Variants in FAM186B observed in about 807,000 individuals in gnomAD.
The protein encoded by FAM186B is family with sequence similarity 186 member B.
Under a neutral mutation model 83.4 loss-of-function variants are expected in FAM186B, and 68 were observed. That is an observed-to-expected ratio of 0.81 (90% CI 0.67 to 1.00). The LOEUF is 1.00. Ranked by LOEUF, FAM186B falls within the 50% of genes least tolerant of loss-of-function variation. The pLI, the probability that FAM186B is intolerant of heterozygous loss-of-function variation, is 0.00. For synonymous variants in FAM186B, 389 were observed against 422.0 expected (o/e 0.92, Z 0.96); for missense variants, 983 against 1,099.2 (o/e 0.89, Z 1.49).
At chr12:49,598,528 T>C (rs562271536) in intron 5 of FAM186B, among the ~76,000 whole-genome samples, 1 of 152,168 alleles carries the variant, frequency 6.6e-6, no homozygotes, top group African/African-American at 2.4e-5. Flanking sequence ...CTCTCTGGGT[T>C]GCTCTCCCCA....
chr12:49,591,395 G>A (rs190022827), intron 5 of FAM186B, among the ~76,000 whole-genome samples: 1 of 152,318 alleles, frequency 6.6e-6, no homozygotes, highest in Admixed American at 6.5e-5. Flanking sequence ...GGAAGAGTTT[G>A]TGTTTACATC....
chr12:49,620,916 A>G, the FAM186B span, among the ~76,000 whole-genome samples: 111 of 152,338 alleles, frequency 7.3e-4, no homozygotes, highest in African/African-American at 2.5e-3. Flanking sequence ...CATTATACAC[A>G]TGCTTTTCTA....
intron 2 of FAM186B, 53 bp downstream of exon 2, chr12:49,604,260 G>C: frequency 1.4e-6 from 2 of 1,457,260 alleles, no homozygotes; most frequent in Middle Eastern, 1.9e-4. Flanking sequence ...CCCTGTGCTC[G>C]CCACCCACAC....
At chr12:49,611,283 G>T in the FAM186B span, among the ~76,000 whole-genome samples, 5 of 152,142 alleles carry the variant, frequency 3.3e-5, no homozygotes, top group Admixed American at 2.0e-4. Context: ...TGAGGCAGGA[G>T]AATTGCTTGA....
upstream of FAM186B, among the ~76,000 whole-genome samples, chr12:49,608,586 T>C (rs1263694334): frequency 6.6e-6 from 1 of 151,242 alleles, no homozygotes; most frequent in African/African-American, 2.4e-5. Context: ...TGCAAGGTAG[T>C]GCATAAAGAT....
At chr12:49,584,583 C>T (rs768182103), downstream of FAM186B, 30 of 702,250 alleles carry the variant, frequency 4.3e-5, no homozygotes, top group Admixed American at 1.4e-4. Context: ...TTTGTAGGTT[C>T]CTGGCATTCC....
intron 5 of FAM186B, among the ~76,000 whole-genome samples, chr12:49,590,959 T>C (rs959950010): frequency 2.6e-5 from 4 of 152,114 alleles, no homozygotes; most frequent in African/African-American, 4.8e-5. Context: ...GGAGATAAAC[T>C]AGTGATAATG....
chr12:49,607,593 A>G (rs1033837035), upstream of FAM186B, among the ~76,000 whole-genome samples: 2 of 152,242 alleles, frequency 1.3e-5, no homozygotes, highest in African/African-American at 4.8e-5. Flanking sequence ...GAGTTCTGCC[A>G]AACATTTAAG....
In FAM186B at chr12:49,605,462, G is replaced by A. The variant is rs775585473; in HGVS notation, c.16C>T (p.Pro6Ser). Reference sequence around the variant, plus strand: ...GATGTGGGAGTCACCAACTGTGGGGGGTCATCCTTCTCCATTTTGGATCAC... The same window carrying A: ...GATGTGGGAGTCACCAACTGTGGGGAGTCATCCTTCTCCATTTTGGATCAC... MEKDD[P>S]PQLVTPTSVK... The change falls in exon 1 of 7, where the codon CCC becomes TCC. Residue 6 changes from proline to serine, a missense_variant. Coordinates refer to ENST00000257894, the MANE Select transcript of FAM186B (RefSeq NM_032130.3). The A allele has an allele frequency of 2.5e-6, 4 of 1,613,540 alleles. No individual in the cohort carries two copies. Among genetic ancestry groups the A allele is most frequent in the Middle Eastern group, 3.3e-4 (2 of 6,036 alleles).
chr12:49,586,593 C>T (rs1939447961), downstream of FAM186B, among the ~76,000 whole-genome samples: 1 of 152,196 alleles, frequency 6.6e-6, no homozygotes, highest in African/African-American at 2.4e-5. Context: ...AACCAAATCT[C>T]TGCCAGGCCA....
chr12:49,604,084 G>T (rs1592556749), intron 2 of FAM186B: 1 of 541,330 alleles, frequency 1.8e-6, no homozygotes, highest in East Asian at 2.9e-5. Context: ...ACAAAAATGA[G>T]ATGTCATAAT....
In FAM186B at chr12:49,599,467, ACC is replaced by A; in HGVS notation, c.2171_2171+1del. On this transcript the variant is annotated splice_donor_variant and coding_sequence_variant, in exon 4 of 7. Transcript: ENST00000257894. LOFTEE classifies it high-confidence loss of function. ...GCCAGGTGGGTTCCAGGGAGGACCT[ACC>A]GGAGGCTCTGGAGGCGTCTATAGAA... 1 of 1,525,170 alleles carries A rather than the reference ACC, an allele frequency of 6.6e-7. No individual in the cohort carries two copies. 94.5% of individuals were successfully genotyped at this position (1,525,170 alleles called of 1,614,324 possible). A position where few individuals can be genotyped will look rare whatever the true frequency, so the allele number is the denominator to read the frequency against.
rs1314760938 is a variant in FAM186B, at chr12:49,600,766, C to A, written c.874G>T (p.Ala292Ser). 1 of 1,613,786 alleles carries A rather than the reference C, an allele frequency of 6.2e-7. No homozygotes were observed. The highest frequency in any genetic ancestry group is 8.5e-7 in the Non-Finnish European group (1 of 1,179,742). ...AAGATCTCTACCTGCTTCAGCAGAG[C>A]ATCCCTCCTGCTCTCAAGGACCTCC... ...FMEVLESRRD[A>S]LLKQVEILGG... is the part of the protein sequence containing the mutation. The change falls in exon 4 of 7, where the codon GCT becomes TCT. Residue 292 changes from alanine to serine, a missense_variant. Transcript: ENST00000257894. The surrounding 1 kb of genome is among the most constrained non-coding windows in gnomAD (Gnocchi z 4.3).
chr12:49,588,392 C>A, intron 6 of FAM186B, 62 bp downstream of exon 6: 2 of 1,530,464 alleles, frequency 1.3e-6, no homozygotes, highest in South Asian at 2.5e-5. Context: ...CCAGGCTGGT[C>A]ACCCCTGCTC....
In FAM186B at chr12:49,600,806, G is replaced by T. The variant is rs566837306; in HGVS notation, c.834C>A (p.His278Gln). ...ATKELSSQRLHFQQFMEVLES... is the reference protein window; with the variant it reads ...ATKELSSQRLQFQQFMEVLES... ...CAAGGACCTCCATGAACTGCTGGAA[G>T]TGCAGCCTCTGGCTGCTGAGCTCTT... The change falls in exon 4 of 7, where the codon CAC becomes CAA. Residue 278 changes from histidine (H) to glutamine (Q), a missense_variant. Physicochemically the swap from His to Gln is conservative, Grantham distance 24. Coordinates refer to ENST00000257894, the MANE Select transcript of FAM186B (RefSeq NM_032130.3). The surrounding 1 kb of genome is among the most constrained non-coding windows in gnomAD (Gnocchi z 4.3). 6.2e-7 allele frequency: 1 copy of T among 1,612,280 alleles called. No homozygotes were observed. The highest frequency in any genetic ancestry group is 1.3e-5 in the African/African-American group (1 of 74,940).
Position 49,588,471 on chromosome 12 carries a change from C to T in FAM186B, c.2517G>A (p.Val839=). The change falls in exon 6 of 7, where the codon GTG becomes GTA. Residue 839 remains valine (V), a synonymous_variant. Coordinates refer to ENST00000257894, the MANE Select transcript of FAM186B (RefSeq NM_032130.3). ...GAACCTACCGGGCCATCTGCAGGGGCACACATGCCCGGTGCCTAGACAGAA... is the reference window on the plus strand; with the variant it reads ...GAACCTACCGGGCCATCTGCAGGGGTACACATGCCCGGTGCCTAGACAGAA... ...QPFLSRHRAC[V]PLQMARQQGK... is the part of the protein sequence containing the mutation. 2 of 1,612,550 alleles carry T rather than the reference C, an allele frequency of 1.2e-6. No individual in the cohort carries two copies. The highest frequency in any genetic ancestry group is 1.7e-6 in the Non-Finnish European group (2 of 1,179,076).
At position 49,600,107 on chromosome 12, in the gene FAM186B, C is replaced by CTCCA. The variant is rs1456709411; in HGVS notation, c.1529_1532dup (p.Glu511AspfsTer90). On this transcript the variant is annotated frameshift_variant, in exon 4 of 7. Coordinates refer to ENST00000257894, the MANE Select transcript of FAM186B (RefSeq NM_032130.3). LOFTEE classifies it high-confidence loss of function. The surrounding 1 kb of genome is among the most constrained non-coding windows in gnomAD (Gnocchi z 4.3). ...GCCGCAGCTTCTCCTGATGCTCCTG[C>CTCCA]TCCAGCAGGGCCCACTTCTTCTGCC... 2 of 1,612,566 alleles carry CTCCA rather than the reference C, an allele frequency of 1.2e-6. No homozygotes were observed. Among genetic ancestry groups the CTCCA allele is most frequent in the African/African-American group, 2.7e-5 (2 of 74,904 alleles).
upstream of FAM186B, among the ~76,000 whole-genome samples, chr12:49,608,205 A>G (rs1487054204): frequency 6.7e-6 from 1 of 150,172 alleles, no homozygotes; most frequent in Non-Finnish European, 1.5e-5. Flanking sequence ...AAAAAAAAAA[A>G]GTTGGCCGGG....
Position 49,587,691 on chromosome 12 carries a change from T to A in FAM186B, c.2596A>T (p.Ile866Leu). Residue 866 changes from isoleucine to leucine, a missense_variant, in exon 7 of 7, where the codon ATA becomes TTA. Ile to Leu is a conservative substitution (Grantham distance 5). Transcript: ENST00000257894. The part of the protein sequence containing the change: ...KTEVASSSYA[I>L]EKKTPASLPR... ...AGGCTGGCAGGGGTCTTTTTTTCTA[T>A]TGCGTAACTGGAGGAGGCCACCTCG... The A allele has an allele frequency of 1.2e-6, 2 of 1,614,076 alleles. No homozygotes were observed. The highest frequency in any genetic ancestry group is 1.7e-6 in the Non-Finnish European group (2 of 1,179,990).
Sources: gnomAD v4.1 joint callset for allele counts (sites outside exome capture counted in the v4.1 genomes callset) on GRCh38, gnomAD v4.1.1 for gene constraint, Gnocchi (gnomAD v3.1) non-coding constraint, MANE v1.5 for transcripts, NCBI Gene and HGNC (gene_info 2026-07-23, HGNC 2026-07-21) for gene names.